Variants in KIAA0586 observed in about 807,000 individuals in gnomAD.
KIAA0586 encodes protein TALPID3.
KIAA0586 carries 144 observed loss-of-function variants against 169.8 expected under a neutral mutation model. The observed-to-expected ratio is 0.85, with a 90% confidence interval of 0.74 to 0.97. The LOEUF (loss-of-function observed/expected upper bound fraction) is 0.97. KIAA0586 is among the 50% of genes least tolerant of loss of function. The probability of loss-of-function intolerance (pLI) is 0.00; values close to 1 mark genes in which losing one functional copy is unlikely to be tolerated. For synonymous variants in KIAA0586, 625 were observed against 612.4 expected (o/e 1.02, Z -0.30); for missense variants, 1,854 against 1,823.0 (o/e 1.02, Z -0.31).
rs1421438187 is a variant in KIAA0586, at chr14:58,484,906, A to ATATATTTT, written c.3145-2096_3145-2095insTTTTATAT. 3.8e-4 allele frequency among the ~76,000 whole-genome samples: 10 copies of ATATATTTT among 26,200 alleles called. 3 individuals carry two copies. Among genetic ancestry groups the ATATATTTT allele is most frequent in the East Asian group, 1.8e-3 (2 of 1,090 alleles). 17.2% of individuals were successfully genotyped at this position (26,200 alleles called of 152,430 possible). On this transcript the variant is annotated intron_variant, in intron 21 of 30. Transcript: ENST00000652326. ...TATATATATTTATATATATATATAT[A>ATATATTTT]TATATATATATATATATATTTTTTT...
intron 30 of KIAA0586, among the ~76,000 whole-genome samples, chr14:58,546,776 C>T (rs1334988136): frequency 1.3e-5 from 2 of 152,180 alleles, no homozygotes; most frequent in African/African-American, 4.8e-5. Context: ...CCTCTGCCAC[C>T]AGCCAGCTTT....
intron 4 of KIAA0586, among the ~76,000 whole-genome samples, chr14:58,437,414 G>A (rs2140472725): frequency 6.6e-6 from 1 of 152,150 alleles, no homozygotes; most frequent in South Asian, 2.1e-4. Flanking sequence ...GGAGAAAATG[G>A]AATATAAAGG....
intron 29 of KIAA0586, among the ~76,000 whole-genome samples, chr14:58,534,487 A>G (rs2046166016): frequency 6.6e-6 from 1 of 152,188 alleles, no homozygotes; most frequent in Non-Finnish European, 1.5e-5. Flanking sequence ...TAAATGCTGA[A>G]GATTAGTTAA....
intron 6 of KIAA0586, among the ~76,000 whole-genome samples, chr14:58,445,771 A>G (rs1214521233): frequency 3.3e-5 from 4 of 120,824 alleles, no homozygotes; most frequent in Non-Finnish European, 6.5e-5. Context: ...ACGACTTAGC[A>G]CTCAGTAAAC....
Position 58,444,097 on chromosome 14 carries a change from C to A in KIAA0586, c.729C>A (p.His243Gln), listed in dbSNP as rs774888789. The A allele has an allele frequency of 6.2e-7, 1 of 1,613,534 alleles. No homozygotes were observed. The highest frequency in any genetic ancestry group is 8.5e-7 in the Non-Finnish European group (1 of 1,179,674). The change falls in exon 6 of 31, where the codon CAC (histidine) becomes CAA (glutamine). Residue 243 changes from histidine to glutamine, a missense_variant. Physicochemically the swap from His to Gln is conservative, Grantham distance 24 (BLOSUM62 0). Coordinates refer to ENST00000652326, the MANE Select transcript of KIAA0586 (RefSeq NM_001329943.3). Reference protein sequence around the residue: ...RKQEKLHCHDHEKQMNVFMEQ... With the variant: ...RKQEKLHCHDQEKQMNVFMEQ... ...AAGAGAAATTACATTGTCATGATCA[C>A]GAAAAGCAAATGAATGTGTTTATGG...
intron 29 of KIAA0586, chr14:58,521,181 G>T: frequency 2.9e-6 from 2 of 698,178 alleles, no homozygotes; most frequent in Admixed American, 2.4e-5. Context: ...TTGATCTTCA[G>T]CTACATTTTT....
chr14:58,434,977 T>C (rs941695097), intron 4 of KIAA0586, among the ~76,000 whole-genome samples: 10 of 152,022 alleles, frequency 6.6e-5, no homozygotes, highest in Non-Finnish European at 1.0e-4. Context: ...TTTGTAGATA[T>C]AGGGTCTCAC....
chr14:58,516,887 A>G (rs985595502), intron 29 of KIAA0586, among the ~76,000 whole-genome samples: 2 of 152,186 alleles, frequency 1.3e-5, no homozygotes, highest in Non-Finnish European at 1.5e-5. Context: ...AGACGATTCC[A>G]TGGAGAAAGG....
chr14:58,520,848 C>T (rs12588976), intron 29 of KIAA0586: 66,291 of 160,776 alleles, frequency 0.41, 14,681 homozygotes, highest in African/African-American at 0.59. Flanking sequence ...CAAGGTCCAT[C>T]CATATTGTAG....
chr14:58,483,233 T>TTGTA (rs534962956), intron 21 of KIAA0586, among the ~76,000 whole-genome samples: 224 of 152,304 alleles, frequency 1.5e-3, no homozygotes, highest in African/African-American at 5.0e-3. Flanking sequence ...AAAACCAAAT[T>TTGTA]TGTATGATTG....
At chr14:58,547,479 C>A (rs1467651234) in intron 30 of KIAA0586, among the ~76,000 whole-genome samples, 1 of 152,084 alleles carries the variant, frequency 6.6e-6, no homozygotes, top group Non-Finnish European at 1.5e-5. Context: ...GTCTGGATTT[C>A]AGAGACTAGG....
chr14:58,428,275 C>CT lies in KIAA0586; in HGVS notation c.12dup (p.Glu5Ter), dbSNP rs778986624. 24 of 1,613,400 alleles carry CT rather than the reference C, an allele frequency of 1.5e-5. 1 individual carries two copies. The South Asian group carries it at 2.6e-4, about 18-fold the overall frequency. Reference sequence around the variant, plus strand: ...TTTGTGACCAACAATATGAAAGGCTCTGAGGTCAGCTTGGAGAAGAAAAAA... The same window carrying CT: ...TTTGTGACCAACAATATGAAAGGCTCTTGAGGTCAGCTTGGAGAAGAAAAAA... On this transcript the variant is annotated frameshift_variant, in exon 1 of 31. Coordinates refer to ENST00000652326, the MANE Select transcript of KIAA0586 (RefSeq NM_001329943.3). LOFTEE classifies it high-confidence loss of function.
chr14:58,455,751 C>T (rs1266561018), intron 9 of KIAA0586, among the ~76,000 whole-genome samples: 1 of 152,008 alleles, frequency 6.6e-6, no homozygotes, highest in African/African-American at 2.4e-5. Flanking sequence ...CAGTGCCTGG[C>T]AGATTATGAG....
intron 3 of KIAA0586, among the ~76,000 whole-genome samples, chr14:58,431,077 TAAGGG>T (rs1566770109): frequency 6.6e-6 from 1 of 152,186 alleles, no homozygotes; most frequent in Non-Finnish European, 1.5e-5. Context: ...ATTTTCTTCT[TAAGGG>T]TAGAATTTAT....
Position 58,548,321 on chromosome 14 carries a change from T to C in KIAA0586, c.*389T>C, listed in dbSNP as rs1449084357. 3.1e-5 allele frequency: 5 copies of C among 161,314 alleles called. No homozygotes were observed. The highest frequency in any genetic ancestry group is 1.3e-5 in the Non-Finnish European group (1 of 74,278). 10.0% of individuals were successfully genotyped at this position (161,314 alleles called of 1,614,324 possible). A position where few individuals can be genotyped will look rare whatever the true frequency, so the allele number is the denominator to read the frequency against. ...AATCAAATGTCTATCAATAATAGACTGGTTTTAAAGTGATGGTACATCAGT... is the reference window on the plus strand; with the variant it reads ...AATCAAATGTCTATCAATAATAGACCGGTTTTAAAGTGATGGTACATCAGT... On this transcript the variant is annotated 3_prime_UTR_variant, in exon 31 of 31. Coordinates refer to ENST00000652326, the MANE Select transcript of KIAA0586 (RefSeq NM_001329943.3).
In KIAA0586 at chr14:58,484,894, A is replaced by ATATATATTTATATATATTTT. The variant is rs1555391486; in HGVS notation, c.3145-2106_3145-2105insTTATATATATTTTTATATAT. 7.0e-3 allele frequency among the ~76,000 whole-genome samples: 41 copies of ATATATATTTATATATATTTT among 5,830 alleles called. 4 individuals carry two copies. Among genetic ancestry groups the ATATATATTTATATATATTTT allele is most frequent in the Non-Finnish European group, 0.01 (35 of 3,396 alleles). The allele number at this position is 5,830 out of a possible 152,430, so 3.8% of individuals were successfully genotyped here. On this transcript the variant is annotated intron_variant, in intron 21 of 30. Transcript: ENST00000652326. ...TTATATATATTATATATATATTTAT[A>ATATATATTTATATATATTTT]TATATATATATATATATATATATAT... is the stretch of plus-strand genomic sequence containing the variant.
Position 58,450,113 on chromosome 14 carries a change from G to A in KIAA0586, c.962-466G>A, listed in dbSNP as rs146204080. Among the ~76,000 whole-genome samples, 77 of 151,912 alleles carry A rather than the reference G, an allele frequency of 5.1e-4. No individual in the cohort carries two copies. The East Asian group carries it at 0.01, about 21-fold the overall frequency. ...ATCTACTTGACCATTATCCTGTTTCGGATACTCAGGCAGTTTTTAGGTTTT... is the reference window on the plus strand; with the variant it reads ...ATCTACTTGACCATTATCCTGTTTCAGATACTCAGGCAGTTTTTAGGTTTT... On this transcript the variant is annotated intron_variant, in intron 7 of 30. Coordinates refer to ENST00000652326, the MANE Select transcript of KIAA0586 (RefSeq NM_001329943.3).
intron 29 of KIAA0586, among the ~76,000 whole-genome samples, chr14:58,523,547 C>G (rs189853631): frequency 6.6e-6 from 1 of 151,924 alleles, no homozygotes; most frequent in South Asian, 2.1e-4. Flanking sequence ...ACAGCTATTA[C>G]AAATAATTTA....
In KIAA0586 at chr14:58,470,682, C is replaced by A; in HGVS notation, c.2512C>A (p.Pro838Thr). 1 of 1,609,276 alleles carries A rather than the reference C, an allele frequency of 6.2e-7. No homozygotes were observed. The highest frequency in any genetic ancestry group is 8.5e-7 in the Non-Finnish European group (1 of 1,176,006). The change falls in exon 17 of 31, where the codon CCC (proline) becomes ACC (threonine). Residue 838 changes from proline (P) to threonine (T), a missense_variant. By Grantham distance (38) the Pro-to-Thr change is conservative. Transcript: ENST00000652326. ...TGATGTCCTTTCACCTCTGTCTAGC[C>A]CCAAAGAAGCATCTCTTCCTCCTGT... ...SADVLSPLSSPKEASLPPVQT... is the reference protein window; with the variant it reads ...SADVLSPLSSTKEASLPPVQT...
Sources: allele counts gnomAD v4.1 joint callset (sites outside exome capture counted in the v4.1 genomes callset), GRCh38; gene constraint gnomAD v4.1.1; transcripts MANE v1.5; gene names NCBI Gene and HGNC (gene_info 2026-07-23, HGNC 2026-07-21).